PCDH1: variants seen among roughly 807,000 people sequenced by gnomAD.
PCDH1 encodes the protein protocadherin-1.
A neutral mutation model predicts 74.6 loss-of-function variants in PCDH1; 23 were observed. That is an observed-to-expected ratio of 0.31 (90% CI 0.22 to 0.44). The LOEUF (loss-of-function observed/expected upper bound fraction) is 0.44. Among genes scored for constraint, PCDH1 ranks in the 20% least tolerant of loss-of-function variants. The probability of loss-of-function intolerance (pLI) is 1.00; values close to 1 mark genes in which losing one functional copy is unlikely to be tolerated. For synonymous variants in PCDH1, 647 were observed against 686.1 expected (o/e 0.94, Z 0.89); for missense variants, 1,214 against 1,641.4 (o/e 0.74, Z 4.50).
chr5:141,875,989 G>C (rs1753218208), intron 1 of PCDH1, among the ~76,000 whole-genome samples: 1 of 152,220 alleles, frequency 6.6e-6, no homozygotes. Flanking sequence ...CAGAGCAGGT[G>C]CTAGAAGCCT....
At chr5:141,871,047 A>G (rs1199716760) in intron 1 of PCDH1, among the ~76,000 whole-genome samples, 1 of 152,178 alleles carries the variant, frequency 6.6e-6, no homozygotes, top group East Asian at 1.9e-4. Context: ...TCCCAAGGCA[A>G]TGAATCATGG....
intron 3 of PCDH1, among the ~76,000 whole-genome samples, chr5:141,861,580 C>T (rs1752566955): frequency 6.6e-6 from 1 of 152,164 alleles, no homozygotes; most frequent in Admixed American, 6.5e-5. Context: ...ATGGTTAGAT[C>T]TCACTTCCCC....
At chr5:141,877,180 C>A (rs1048220618) in intron 1 of PCDH1, among the ~76,000 whole-genome samples, 5 of 152,132 alleles carry the variant, frequency 3.3e-5, no homozygotes, top group South Asian at 2.1e-4. Context: ...TGTGTGTATG[C>A]GCTGCAGGGT....
intron 1 of PCDH1, among the ~76,000 whole-genome samples, chr5:141,873,030 T>G (rs138628269): frequency 1.3e-5 from 2 of 152,212 alleles, no homozygotes; most frequent in East Asian, 3.9e-4. Flanking sequence ...AGGTGGGACC[T>G]AGAGAAACCC....
intron 2 of PCDH1, among the ~76,000 whole-genome samples, chr5:141,867,120 A>G (rs538303771): frequency 1.1e-4 from 16 of 152,286 alleles, no homozygotes; most frequent in African/African-American, 3.4e-4. Context: ...CCTTGGCTCT[A>G]GATTGGTCTT....
At position 141,854,167 on chromosome 5, in the gene PCDH1, T is replaced by G; in HGVS notation, c.3589A>C (p.Ser1197Arg). Residue 1197 changes from serine (S) to arginine (R), a missense_variant, in exon 5 of 5, where the codon AGT (serine) becomes CGT (arginine). Physicochemically the swap from Ser to Arg is moderately radical, Grantham distance 110. Transcript: ENST00000287008. Reference sequence around the variant, plus strand: ...GAGTCCTTGCAGGAATCATGGCTACTGTGGGAGAAGGCACTGTAGGAGGGC... The same window carrying G: ...GAGTCCTTGCAGGAATCATGGCTACGGTGGGAGAAGGCACTGTAGGAGGGC... ...LLPSYSAFSHSSHDSCKDSAT... is the reference protein window; with the variant it reads ...LLPSYSAFSHRSHDSCKDSAT... 1.9e-6 allele frequency: 3 copies of G among 1,605,692 alleles called. No homozygotes were observed. The highest frequency in any genetic ancestry group is 2.6e-6 in the Non-Finnish European group (3 of 1,174,228).
chr5:141,878,094 CCCCTCGCGCCGAGCTCGTGTTGGG>C lies in PCDH1; in HGVS notation c.40+105_40+128del. 1 of 799,196 alleles carries C rather than the reference CCCCTCGCGCCGAGCTCGTGTTGGG, an allele frequency of 1.3e-6. No individual in the cohort carries two copies. Among genetic ancestry groups the C allele is most frequent in the Non-Finnish European group, 1.8e-6 (1 of 569,318 alleles). 49.5% of individuals were successfully genotyped at this position (799,196 alleles called of 1,614,324 possible). Reference sequence around the variant, plus strand: ...GGCTCCCAGCAGCCCCCACCTCAGCCCCCTCGCGCCGAGCTCGTGTTGGGCCCCCGCGGCCTCGCTCCGCCGAGC... The same window carrying C: ...GGCTCCCAGCAGCCCCCACCTCAGCCCCCCCGCGGCCTCGCTCCGCCGAGC... On this transcript the variant is annotated intron_variant, in intron 1 of 4. Coordinates refer to ENST00000287008, the MANE Select transcript of PCDH1 (RefSeq NM_032420.5). The surrounding 1 kb of genome is among the most constrained non-coding windows in gnomAD (Gnocchi z 5.5).
chr5:141,864,017 C>T lies in PCDH1; in HGVS notation c.2314G>A (p.Gly772Ser). 6.2e-7 allele frequency: 1 copy of T among 1,614,064 alleles called. No homozygotes were observed. The highest frequency in any genetic ancestry group is 8.5e-7 in the Non-Finnish European group (1 of 1,180,026). The change falls in exon 3 of 5, where the codon GGT becomes AGT. Residue 772 changes from glycine (G) to serine (S), a missense_variant. Coordinates refer to ENST00000287008, the MANE Select transcript of PCDH1 (RefSeq NM_032420.5). This position sits in a 1 kb window ranked among gnomAD's most constrained non-coding sequence, Gnocchi z 5.9. ...ATCTCCTTCTCCAGGGTGATGGCAC[C>T]TGAATGTGACCCAATCTGGAAGAGT... ...YGLFQIGSHS[G>S]AITLEKEIER...
Position 141,864,139 on chromosome 5 carries a change from C to A in PCDH1, c.2192G>T (p.Arg731Leu). The A allele has an allele frequency of 6.2e-7, 1 of 1,609,090 alleles. No homozygotes were observed. Among genetic ancestry groups the A allele is most frequent in the Non-Finnish European group, 8.5e-7 (1 of 1,176,340 alleles). The change falls in exon 3 of 5, where the codon CGT becomes CTT. Residue 731 changes from arginine (R) to leucine (L), a missense_variant. Physicochemically the swap from Arg to Leu is moderately radical, Grantham distance 102 (BLOSUM62 -2). This residue lies in a region of PCDH1 where 836 missense variants were observed against 1,182.2 expected (regional missense o/e 0.71). Coordinates refer to ENST00000287008, the MANE Select transcript of PCDH1 (RefSeq NM_032420.5). This position sits in a 1 kb window ranked among gnomAD's most constrained non-coding sequence, Gnocchi z 5.9. Reference protein sequence around the residue: ...TSHKLLTPQTRLGETVSQVAA... With the variant: ...TSHKLLTPQTLLGETVSQVAA... Reference sequence around the variant, plus strand: ...CACCTGGCTGACCGTCTCACCAAGACGTGTCTGGGGGGTCAGCAGCTTGTG... The same window carrying A: ...CACCTGGCTGACCGTCTCACCAAGAAGTGTCTGGGGGGTCAGCAGCTTGTG...
At position 141,878,238 on chromosome 5, in the gene PCDH1, G is replaced by A. The variant is rs1476981956; in HGVS notation, c.25C>T (p.Arg9Cys). 68 of 1,378,508 alleles carry A rather than the reference G, an allele frequency of 4.9e-5. No individual in the cohort carries two copies. Among genetic ancestry groups the A allele is most frequent in the Non-Finnish European group, 5.9e-5 (63 of 1,067,114 alleles). 85.4% of individuals were successfully genotyped at this position (1,378,508 alleles called of 1,614,324 possible). A position where few individuals can be genotyped will look rare whatever the true frequency, so the allele number is the denominator to read the frequency against. Residue 9 changes from arginine (R) to cysteine (C), a missense_variant, in exon 1 of 5, where the codon CGC (arginine) becomes TGC (cysteine). By Grantham distance (180) the Arg-to-Cys change is radical (BLOSUM62 -3). Coordinates refer to ENST00000287008, the MANE Select transcript of PCDH1 (RefSeq NM_032420.5). The surrounding 1 kb of genome is among the most constrained non-coding windows in gnomAD (Gnocchi z 5.5). ...GGATCCTTACCCGCCTCCGGGCAGC[G>A]CCGGCCGCCCGCCCCGCTGTCCATG... MDSGAGGR[R>C]CPEAALLILG...
Position 141,863,906 on chromosome 5 carries a change from G to A in PCDH1, c.2425C>T (p.His809Tyr). ...GCCAGAGTCTCATTGACATAAAGAT[G>A]GACCAAGGCTGTGCCATAGCGTGGG... ...KPPRYGTALV[H>Y]LYVNETLANR... The change falls in exon 3 of 5, where the codon CAT (histidine) becomes TAT (tyrosine). Residue 809 changes from histidine to tyrosine, a missense_variant. Around this residue, in one of 4 missense-constraint regions of PCDH1, gnomAD observed 836 missense variants for 1,182.2 expected, o/e 0.71. Coordinates refer to ENST00000287008, the MANE Select transcript of PCDH1 (RefSeq NM_032420.5). This position sits in a 1 kb window ranked among gnomAD's most constrained non-coding sequence, Gnocchi z 7.5. The A allele has an allele frequency of 6.2e-7, 1 of 1,614,134 alleles. No individual in the cohort carries two copies. The highest frequency in any genetic ancestry group is 8.5e-7 in the Non-Finnish European group (1 of 1,180,026).
At chr5:141,871,287 G>C (rs1183804273) in intron 1 of PCDH1, among the ~76,000 whole-genome samples, 2 of 152,244 alleles carry the variant, frequency 1.3e-5, no homozygotes, top group East Asian at 3.8e-4. Flanking sequence ...AATATGCCAG[G>C]CTCTGTCCTG....
At position 141,863,987 on chromosome 5, in the gene PCDH1, G is replaced by A. The variant is rs756654044; in HGVS notation, c.2344C>T (p.Arg782Trp). The A allele has an allele frequency of 8.1e-6, 13 of 1,613,644 alleles. No homozygotes were observed. Among genetic ancestry groups the A allele is most frequent in the South Asian group, 3.3e-5 (3 of 91,064 alleles). ...AGGCGGTGTAGCCCATGGTGGCGCC[G>A]CTCAATCTCCTTCTCCAGGGTGATG... ...GAITLEKEIE[R>W]RHHGLHRLVV... Residue 782 changes from arginine to tryptophan, a missense_variant, in exon 3 of 5, where the codon CGG (arginine) becomes TGG (tryptophan). Arg to Trp is a moderately radical substitution (Grantham distance 101). This residue lies in a region of PCDH1 where 836 missense variants were observed against 1,182.2 expected (regional missense o/e 0.71). Coordinates refer to ENST00000287008, the MANE Select transcript of PCDH1 (RefSeq NM_032420.5). This position sits in a 1 kb window ranked among gnomAD's most constrained non-coding sequence, Gnocchi z 7.5.
At chr5:141,875,637 G>A (rs1474187346) in intron 1 of PCDH1, among the ~76,000 whole-genome samples, 1 of 152,112 alleles carries the variant, frequency 6.6e-6, no homozygotes, top group African/African-American at 2.4e-5. Context: ...TGGCAGACCA[G>A]CAAGACACCC....
In PCDH1 at chr5:141,868,692, G is replaced by C; in HGVS notation, c.780C>G (p.Arg260=). 6.2e-7 allele frequency: 1 copy of C among 1,613,816 alleles called. No homozygotes were observed. Among genetic ancestry groups the C allele is most frequent in the Non-Finnish European group, 8.5e-7 (1 of 1,179,808 alleles). ...IKVQDGGSPP[R]ASSALLRVTV... is the part of the protein sequence containing the mutation. Reference sequence around the variant, plus strand: ...TGACACGCAGCAGGGCACTGCTGGCGCGTGGGGGGCTGCCGCCATCCTGCA... The same window carrying C: ...TGACACGCAGCAGGGCACTGCTGGCCCGTGGGGGGCTGCCGCCATCCTGCA... The change falls in exon 2 of 5, where the codon CGC becomes CGG. Residue 260 remains arginine (R), a synonymous_variant. Coordinates refer to ENST00000287008, the MANE Select transcript of PCDH1 (RefSeq NM_032420.5). The surrounding 1 kb of genome is among the most constrained non-coding windows in gnomAD (Gnocchi z 4.8).
At chr5:141,873,319 T>A (rs1170357210) in intron 1 of PCDH1, among the ~76,000 whole-genome samples, 1 of 147,704 alleles carries the variant, frequency 6.8e-6, no homozygotes, top group East Asian at 2.0e-4. Context: ...TTTTGTATTT[T>A]AGTAGAGACG....
chr5:141,855,789 C>G (rs1223545093), intron 4 of PCDH1, among the ~76,000 whole-genome samples: 1 of 152,198 alleles, frequency 6.6e-6, no homozygotes, highest in African/African-American at 2.4e-5. Flanking sequence ...TGCCCCAGCT[C>G]CCTGCCCAGA....
At position 141,865,455 on chromosome 5, in the gene PCDH1, G is replaced by A. The variant is rs1267598016; in HGVS notation, c.904-28C>T. 1 of 1,597,614 alleles carries A rather than the reference G, an allele frequency of 6.3e-7. No homozygotes were observed. Among genetic ancestry groups the A allele is most frequent in the Middle Eastern group, 1.7e-4 (1 of 6,018 alleles). On this transcript the variant is annotated intron_variant, in intron 2 of 4. Coordinates refer to ENST00000287008, the MANE Select transcript of PCDH1 (RefSeq NM_032420.5). The surrounding 1 kb of genome is among the most constrained non-coding windows in gnomAD (Gnocchi z 4.4). ...ATAGGGCAGGAGAGAAAAACAAGGA[G>A]AACAGAGATGGTTTAGATCAGGGAT...
chr5:141,867,606 C>T (rs1752903170), intron 2 of PCDH1: 2 of 449,692 alleles, frequency 4.4e-6, no homozygotes, highest in Non-Finnish European at 8.9e-6. Context: ...GGTCCCAGTC[C>T]ACCAGGCTCT....
Sources: gnomAD v4.1 joint callset for allele counts (sites outside exome capture counted in the v4.1 genomes callset) on GRCh38, gnomAD v4.1.1 for gene constraint, gnomAD v4.1.1 regional missense constraint, Gnocchi (gnomAD v3.1) non-coding constraint, MANE v1.5 for transcripts, NCBI Gene and HGNC (gene_info 2026-07-23, HGNC 2026-07-21) for gene names.